ARHGAP12: variants seen among roughly 807,000 people sequenced by gnomAD.
ARHGAP12 encodes the protein Rho GTPase activating protein 12.
A neutral mutation model predicts 108.6 loss-of-function variants in ARHGAP12; 64 were observed. The observed-to-expected ratio is 0.59, with a 90% CI of 0.48 to 0.73. The LOEUF is 0.73. Among genes scored for constraint, ARHGAP12 ranks in the 30% least tolerant of loss-of-function variants. The pLI, the probability that ARHGAP12 is intolerant of heterozygous loss-of-function variation, is 0.00. For missense variants in ARHGAP12, 940 were observed against 1,005.9 expected, an observed-to-expected ratio of 0.93 and a Z score of 0.89; for synonymous variants, 312 against 337.2, an observed-to-expected ratio of 0.93 and a Z score of 0.82.
In ARHGAP12 at chr10:31,861,392, T is replaced by TA; in HGVS notation, c.948+2dup. On this transcript the variant is annotated splice_region_variant and intron_variant, in intron 4 of 19. Coordinates refer to ENST00000344936, the MANE Select transcript of ARHGAP12 (RefSeq NM_018287.7). ...TTGCAGTTGATTCCTTAATTACTCA[T>TA]ACCTCTTGATCCCCTGGATTTTGGA... 3 of 1,604,330 alleles carry TA rather than the reference T, an allele frequency of 1.9e-6. No homozygotes were observed. The highest frequency in any genetic ancestry group is 2.5e-6 in the Non-Finnish European group (3 of 1,176,992).
At chr10:31,850,725 ATTTAAC>A (rs1469838126) in intron 6 of ARHGAP12, among the ~76,000 whole-genome samples, 1 of 152,144 alleles carries the variant, frequency 6.6e-6, no homozygotes, top group East Asian at 1.9e-4. Context: ...TAAAATGGTT[ATTTAAC>A]TTTTATAAAA....
chr10:31,920,167 A>C (rs913253002), intron 1 of ARHGAP12, among the ~76,000 whole-genome samples: 8 of 149,818 alleles, frequency 5.3e-5, no homozygotes, highest in African/African-American at 2.0e-4. Context: ...GAAAACTGAA[A>C]ATTAGCCGGG....
At chr10:31,916,271 C>A (rs537411070) in intron 1 of ARHGAP12, among the ~76,000 whole-genome samples, 1 of 152,240 alleles carries the variant, frequency 6.6e-6, no homozygotes, top group African/African-American at 2.4e-5. Context: ...CTCAAAAACG[C>A]CCATACAAGC....
chr10:31,923,152 A>AAAAAC (rs1554792908), intron 1 of ARHGAP12, among the ~76,000 whole-genome samples: 40 of 150,330 alleles, frequency 2.7e-4, no homozygotes, highest in African/African-American at 8.7e-4. Flanking sequence ...AAAAAAAAAA[A>AAAAAC]CAGGCAAAAT....
At chr10:31,846,738 C>T (rs1284920319) in intron 6 of ARHGAP12, among the ~76,000 whole-genome samples, 1 of 152,054 alleles carries the variant, frequency 6.6e-6, no homozygotes, top group East Asian at 1.9e-4. Context: ...TATTCAGCTT[C>T]TTGAGTCTGT....
intron 3 of ARHGAP12, among the ~76,000 whole-genome samples, chr10:31,877,074 A>C (rs1486251512): frequency 2.0e-5 from 3 of 152,216 alleles, no homozygotes; most frequent in Admixed American, 6.5e-5. Flanking sequence ...CAATATCCCA[A>C]GGAGAAATCA....
At chr10:31,924,609 ATTACACT>A (rs1354130757) in intron 1 of ARHGAP12, among the ~76,000 whole-genome samples, 1 of 152,174 alleles carries the variant, frequency 6.6e-6, no homozygotes, top group Non-Finnish European at 1.5e-5. Flanking sequence ...ATGTATGTAC[ATTACACT>A]TTAATAAAAC....
intron 3 of ARHGAP12, among the ~76,000 whole-genome samples, chr10:31,878,824 C>A (rs1036693069): frequency 2.6e-5 from 4 of 152,174 alleles, no homozygotes; most frequent in African/African-American, 9.7e-5. Flanking sequence ...TTGCCAAGCC[C>A]TGTGAAAATA....
chr10:31,820,526 AC>A, intron 11 of ARHGAP12, 38 bp from the exon 12 acceptor site: 12 of 1,283,782 alleles, frequency 9.3e-6, no homozygotes, highest in African/African-American at 1.5e-5. Flanking sequence ...TTCATGTGAT[AC>A]TCACATATAT....
At chr10:31,903,009 G>C (rs1156907118) in intron 3 of ARHGAP12, among the ~76,000 whole-genome samples, 1 of 152,170 alleles carries the variant, frequency 6.6e-6, no homozygotes, top group Admixed American at 6.5e-5. Context: ...CCACCAGACA[G>C]CCTATCAATT....
At chr10:31,874,345 G>A (rs1161982318) in intron 3 of ARHGAP12, among the ~76,000 whole-genome samples, 2 of 152,026 alleles carry the variant, frequency 1.3e-5, no homozygotes, top group Non-Finnish European at 2.9e-5. Flanking sequence ...AGTGGAAAAG[G>A]TTGTGTTCAC....
Position 31,908,392 on chromosome 10 carries a change from T to C in ARHGAP12, c.464A>G (p.Asn155Ser), listed in dbSNP as rs753936004. 23 of 1,614,094 alleles carry C rather than the reference T, an allele frequency of 1.4e-5. No individual in the cohort carries two copies. The South Asian group carries it at 2.0e-4, about 14-fold the overall frequency. ...TVNLSLDLTH[N>S]NGKFNNDSHS... is the part of the protein sequence containing the mutation. ...TGAGTCATTGTTAAACTTTCCGTTA[T>C]TATGGGTCAGGTCCAGGCTTAGGTT... Residue 155 changes from asparagine to serine, a missense_variant, in exon 3 of 20, where the codon AAT (asparagine) becomes AGT (serine). Asn to Ser is a conservative substitution (Grantham distance 46, BLOSUM62 1). Transcript: ENST00000344936.
intron 1 of ARHGAP12, among the ~76,000 whole-genome samples, chr10:31,923,131 G>GAAAAAAAA (rs1399297613): frequency 3.4e-5 from 1 of 29,754 alleles, no homozygotes; most frequent in Non-Finnish European, 6.2e-5. Flanking sequence ...GACCCTAACA[G>GAAAAAAAA]GAAAAAAAAA....
At chr10:31,832,219 C>T (rs943368771) in intron 9 of ARHGAP12, among the ~76,000 whole-genome samples, 1 of 152,158 alleles carries the variant, frequency 6.6e-6, no homozygotes. Context: ...AATATACTAA[C>T]TCACTTTGTC....
At chr10:31,874,705 GGCTC>G (rs1837659598) in intron 3 of ARHGAP12, among the ~76,000 whole-genome samples, 1 of 152,054 alleles carries the variant, frequency 6.6e-6, no homozygotes, top group Admixed American at 6.5e-5. Context: ...CAGGTGCAGT[GGCTC>G]ATGCCTGTAA....
At chr10:31,850,527 C>T (rs910958425) in intron 6 of ARHGAP12, among the ~76,000 whole-genome samples, 3 of 152,052 alleles carry the variant, frequency 2.0e-5, no homozygotes, top group Admixed American at 6.5e-5. Flanking sequence ...TTTTTATAAA[C>T]GGTACCAATT....
intron 11 of ARHGAP12, among the ~76,000 whole-genome samples, chr10:31,822,607 C>G (rs1835455299): frequency 6.6e-6 from 1 of 152,106 alleles, no homozygotes; most frequent in Non-Finnish European, 1.5e-5. Context: ...TTATCTTAAA[C>G]AGACTTGTGT....
chr10:31,923,456 T>C (rs997633416), intron 1 of ARHGAP12, among the ~76,000 whole-genome samples: 2 of 152,202 alleles, frequency 1.3e-5, no homozygotes, highest in Non-Finnish European at 2.9e-5. Context: ...ATTTTCCTCT[T>C]AGGTATTTAC....
intron 1 of ARHGAP12, among the ~76,000 whole-genome samples, chr10:31,923,804 A>G (rs1839919238): frequency 6.6e-6 from 1 of 152,314 alleles, no homozygotes; most frequent in African/African-American, 2.4e-5. Context: ...TGAATCACAT[A>G]GGAGCTCAAG....
Sources: gnomAD v4.1 joint callset for allele counts (sites outside exome capture counted in the v4.1 genomes callset) on GRCh38, gnomAD v4.1.1 for gene constraint, MANE v1.5 for transcripts, NCBI Gene and HGNC (gene_info 2026-07-23, HGNC 2026-07-21) for gene names.